The following TM4SF19 variants were observed in gnomAD, a reference collection of about 807,000 sequenced individuals.
TM4SF19 encodes the protein transmembrane 4 L6 family member 19.
A neutral mutation model predicts 21.8 loss-of-function variants in TM4SF19; 17 were observed. The ratio of observed to expected loss-of-function variants is 0.78; its 90% CI spans 0.53 to 1.17. The LOEUF (loss-of-function observed/expected upper bound fraction) is 1.17. Among genes scored for constraint, TM4SF19 ranks in the 50% most tolerant of loss-of-function variants. The pLI is 0.00. For missense variants in TM4SF19, 216 were observed against 252.1 expected (o/e 0.86, Z 0.97); for synonymous variants, 107 against 106.7 (o/e 1.00, Z -0.02).
At chr3:196,332,334 A>G (rs1727548575) in intron 1 of TM4SF19, among the ~76,000 whole-genome samples, 1 of 148,764 alleles carries the variant, frequency 6.7e-6, no homozygotes, top group African/African-American at 2.5e-5. Context: ...GAATCGCTTG[A>G]GCCCGAGAGG....
chr3:196,337,858 C>T (rs1295267817), intron 1 of TM4SF19, among the ~76,000 whole-genome samples: 1 of 152,010 alleles, frequency 6.6e-6, no homozygotes, highest in Non-Finnish European at 1.5e-5. Flanking sequence ...CACTTCTGCC[C>T]CTCAGCCGAA....
Position 196,323,570 on chromosome 3 carries a change from A to G in TM4SF19, c.*247T>C, listed in dbSNP as rs1022706165. 1.6e-5 allele frequency: 12 copies of G among 756,402 alleles called. No individual in the cohort carries two copies. The Admixed American group carries it at 2.4e-4, about 15-fold the overall frequency. 46.9% of individuals were successfully genotyped at this position (756,402 alleles called of 1,614,324 possible). A position where few individuals can be genotyped will look rare whatever the true frequency, so the allele number is the denominator to read the frequency against. ...ACCCTGGCTGGAGGATATTTTATGGACTATAAATTCCTAAACAATTATAAT... is the reference window on the plus strand; with the variant it reads ...ACCCTGGCTGGAGGATATTTTATGGGCTATAAATTCCTAAACAATTATAAT... On this transcript the variant is annotated 3_prime_UTR_variant, in exon 5 of 5. Coordinates refer to ENST00000273695, the MANE Select transcript of TM4SF19 (RefSeq NM_138461.4).
chr3:196,334,326 C>T (rs1481860549), intron 1 of TM4SF19, among the ~76,000 whole-genome samples: 8 of 151,900 alleles, frequency 5.3e-5, no homozygotes, highest in Non-Finnish European at 1.2e-4. Context: ...GTTTTAGAAA[C>T]TTGTTTAGTC....
At chr3:196,332,897 G>A (rs1299972007) in intron 1 of TM4SF19, among the ~76,000 whole-genome samples, 1 of 135,608 alleles carries the variant, frequency 7.4e-6, no homozygotes, top group African/African-American at 2.7e-5. Context: ...CTGTCACCCA[G>A]GCTGGAGTGC....
intron 3 of TM4SF19, 25 bp from the exon 4 acceptor site, chr3:196,324,465 G>A: frequency 6.2e-7 from 1 of 1,612,324 alleles, no homozygotes; most frequent in African/African-American, 1.3e-5. Context: ...GAAACACTGA[G>A]CTAAGACGGG....
At chr3:196,337,304 G>A (rs551796009) in intron 1 of TM4SF19, among the ~76,000 whole-genome samples, 1 of 152,186 alleles carries the variant, frequency 6.6e-6, no homozygotes, top group East Asian at 1.9e-4. Context: ...AGTGTGGTAA[G>A]AAATAGAGCA....
At chr3:196,324,659 C>A in intron 3 of TM4SF19, 2 of 548,862 alleles carry the variant, frequency 3.6e-6, no homozygotes, top group Non-Finnish European at 6.5e-6. Context: ...GTGGGGAGGC[C>A]GTGAGGGGTT....
intron 1 of TM4SF19, among the ~76,000 whole-genome samples, chr3:196,332,587 T>G (rs1472715780): frequency 6.6e-6 from 1 of 151,718 alleles, no homozygotes; most frequent in African/African-American, 2.4e-5. Flanking sequence ...ATATAATGTA[T>G]AATGTGCGTA....
At chr3:196,327,653 C>T (rs1577406807) in intron 1 of TM4SF19, 62 bp from the exon 2 acceptor site, 1 of 1,406,088 alleles carries the variant, frequency 7.1e-7, no homozygotes, top group African/African-American at 1.4e-5. Context: ...AAGGGAACTC[C>T]AGCAGCATAT....
At chr3:196,326,925 G>T (rs1727313101) in intron 3 of TM4SF19, 30 bp downstream of exon 3, 1 of 1,578,650 alleles carries the variant, frequency 6.3e-7, no homozygotes, top group African/African-American at 1.3e-5. Flanking sequence ...AGACATTCTG[G>T]GTGTTAGAAG....
At chr3:196,329,877 G>GTT (rs572956021) in intron 1 of TM4SF19, among the ~76,000 whole-genome samples, 2 of 107,846 alleles carry the variant, frequency 1.9e-5, no homozygotes, top group Non-Finnish European at 4.0e-5. Context: ...GTGTTGTTTT[G>GTT]TTTTTTTTTT....
chr3:196,334,094 C>T (rs1454275589), intron 1 of TM4SF19, among the ~76,000 whole-genome samples: 1 of 152,010 alleles, frequency 6.6e-6, no homozygotes, highest in Non-Finnish European at 1.5e-5. Flanking sequence ...AAGAATTAAA[C>T]ATAATGTGTA....
chr3:196,333,241 T>TG (rs763823070), intron 1 of TM4SF19, among the ~76,000 whole-genome samples: 129 of 152,220 alleles, frequency 8.5e-4, no homozygotes, highest in Non-Finnish European at 1.3e-3. Context: ...TCACTGATGA[T>TG]GGAGTTAGGT....
At chr3:196,335,464 G>A (rs1369226161) in intron 1 of TM4SF19, among the ~76,000 whole-genome samples, 1 of 129,282 alleles carries the variant, frequency 7.7e-6, no homozygotes, top group Non-Finnish European at 1.7e-5. Flanking sequence ...GGTGCCCTGG[G>A]AGGGTGGGGG....
intron 1 of TM4SF19, among the ~76,000 whole-genome samples, chr3:196,334,849 G>A (rs1456398613): frequency 2.6e-5 from 2 of 78,168 alleles, no homozygotes; most frequent in Non-Finnish European, 4.9e-5. Context: ...TGGGGGTTAG[G>A]AGAAGGGAGG....
At chr3:196,332,848 A>AT (rs544134464) in intron 1 of TM4SF19, among the ~76,000 whole-genome samples, 15,430 of 120,750 alleles carry the variant, frequency 0.13, 1,293 homozygotes, top group Middle Eastern at 0.26. Context: ...TCAACTTACA[A>AT]TTTTTTTTTT....
rs1431831249 is a variant in TM4SF19 at position 196,327,580 on chromosome 3, G to A, written c.11C>T (p.Ser4Phe). MVS[S>F]PCTQASSRTC... is the part of the protein sequence containing the mutation. ...CCGTGAGCTTGCCTGCGTGCAGGGA[G>A]AGGACACCATCCTGGAACAGATAGA... The change falls in exon 2 of 5, where the codon TCT becomes TTT. Residue 4 changes from serine to phenylalanine, a missense_variant. By Grantham distance (155) the Ser-to-Phe change is radical. Transcript: ENST00000273695. 2 of 1,613,244 alleles carry A rather than the reference G, an allele frequency of 1.2e-6. No individual in the cohort carries two copies. The highest frequency in any genetic ancestry group is 1.1e-5 in the South Asian group (1 of 91,074).
chr3:196,324,154 G>C (rs745970010), intron 4 of TM4SF19, 117 bp downstream of exon 4: 2 of 1,453,256 alleles, frequency 1.4e-6, no homozygotes, highest in Non-Finnish European at 1.9e-6. Flanking sequence ...CTGAGTATCA[G>C]AGGAGCAAGA....
intron 2 of TM4SF19, 93 bp from the exon 3 acceptor site, chr3:196,327,125 A>G: frequency 9.6e-7 from 1 of 1,039,200 alleles, no homozygotes. Flanking sequence ...CTGGCAGCTC[A>G]CATGAACGCA....
Sources: gnomAD v4.1 joint callset for allele counts (sites outside exome capture counted in the v4.1 genomes callset) on GRCh38, gnomAD v4.1.1 for gene constraint, MANE v1.5 for transcripts, NCBI Gene and HGNC (gene_info 2026-07-23, HGNC 2026-07-21) for gene names.